The following CAMK2D variants were observed in gnomAD, a reference collection of about 807,000 sequenced individuals.
CAMK2D encodes the protein calcium/calmodulin dependent protein kinase II delta.
In CAMK2D, 37 loss-of-function variants were observed where a neutral mutation model predicts 84.0. The ratio of observed to expected loss-of-function variants is 0.44; its 90% CI spans 0.34 to 0.58. The LOEUF (loss-of-function observed/expected upper bound fraction) is 0.58, where lower values mean the gene tolerates loss of function less well. Ranked by LOEUF, CAMK2D falls within the 20% of genes least tolerant of loss-of-function variation. The pLI is 0.02. For missense variants in CAMK2D, 448 were observed against 652.5 expected (o/e 0.69, Z 3.41); for synonymous variants, 202 against 212.5 (o/e 0.95, Z 0.43).
At chr4:113,488,985 T>C (rs1429840775) in intron 16 of CAMK2D, among the ~76,000 whole-genome samples, 5 of 152,060 alleles carry the variant, frequency 3.3e-5, no homozygotes, top group African/African-American at 9.7e-5. Context: ...AAATTGAGTA[T>C]AGAGGTAAAA....
chr4:113,504,727 T>A (rs1486686992), intron 14 of CAMK2D, among the ~76,000 whole-genome samples: 2 of 151,608 alleles, frequency 1.3e-5, no homozygotes, highest in South Asian at 4.1e-4. Flanking sequence ...ATCAGTACAA[T>A]GTTCAACAAC....
intron 3 of CAMK2D, among the ~76,000 whole-genome samples, chr4:113,627,954 A>C (rs2099074481): frequency 1.3e-5 from 2 of 152,190 alleles, no homozygotes; most frequent in South Asian, 4.1e-4. Flanking sequence ...TACAGAAACC[A>C]CAAATAATGA....
At chr4:113,598,104 AGAAGACT>A (rs1339195613) in intron 4 of CAMK2D, among the ~76,000 whole-genome samples, 2 of 152,254 alleles carry the variant, frequency 1.3e-5, no homozygotes, top group African/African-American at 4.8e-5. Flanking sequence ...GAACAAAGAT[AGAAGACT>A]GACACTACTC....
At chr4:113,575,056 T>G (rs775129613) in intron 4 of CAMK2D, among the ~76,000 whole-genome samples, 10 of 152,188 alleles carry the variant, frequency 6.6e-5, no homozygotes, top group Admixed American at 4.6e-4. Flanking sequence ...GTAATATTTA[T>G]AGCTCCACAA....
At chr4:113,530,478 T>A (rs77552716) in intron 8 of CAMK2D, among the ~76,000 whole-genome samples, 5,121 of 152,312 alleles carry the variant, frequency 0.034, 130 homozygotes, top group Non-Finnish European at 0.056. Context: ...TTAGGGATGT[T>A]CAACTTGTAT....
At chr4:113,624,905 T>C (rs908053485) in intron 3 of CAMK2D, among the ~76,000 whole-genome samples, 1 of 152,248 alleles carries the variant, frequency 6.6e-6, no homozygotes, top group Non-Finnish European at 1.5e-5. Context: ...TTCAACTTTA[T>C]ACAAAATTTA....
At chr4:113,682,583 G>C (rs1022710665) in intron 2 of CAMK2D, among the ~76,000 whole-genome samples, 2 of 151,860 alleles carry the variant, frequency 1.3e-5, no homozygotes, top group Non-Finnish European at 2.9e-5. Context: ...TTATGAGTAG[G>C]CCATTTCTTC....
chr4:113,668,899 C>T (rs1269415498), intron 2 of CAMK2D, among the ~76,000 whole-genome samples: 2 of 152,230 alleles, frequency 1.3e-5, no homozygotes, highest in East Asian at 3.9e-4. Context: ...ATATCTGAAA[C>T]ATCTCTTCTG....
At position 113,683,755 on chromosome 4, in the gene CAMK2D, G is replaced by A. The variant is rs148268832; in HGVS notation, c.161-21983C>T. Among the ~76,000 whole-genome samples, 457 of 152,288 alleles carry A rather than the reference G, an allele frequency of 3.0e-3. 5 individuals are homozygous for A. Among genetic ancestry groups the A allele is most frequent in the African/African-American group, 0.011 (438 of 41,560 alleles). On this transcript the variant is annotated intron_variant, in intron 2 of 20. Transcript: ENST00000511664. ...CTGTGGATAACAACCTCAAATGTGAGCAGGGAAAAACATAAAAAGCTAACA... is the reference window on the plus strand; with the variant it reads ...CTGTGGATAACAACCTCAAATGTGAACAGGGAAAAACATAAAAAGCTAACA...
At chr4:113,670,724 C>T (rs1269823856) in intron 2 of CAMK2D, among the ~76,000 whole-genome samples, 2 of 146,866 alleles carry the variant, frequency 1.4e-5, no homozygotes, top group Non-Finnish European at 3.0e-5. Context: ...AGAATGGAAA[C>T]AAGGCATACT....
chr4:113,710,098 T>G (rs1223968614), intron 2 of CAMK2D, among the ~76,000 whole-genome samples: 2 of 151,994 alleles, frequency 1.3e-5, no homozygotes, highest in Non-Finnish European at 2.9e-5. Context: ...TTCTTACATT[T>G]CAGGATATTT....
chr4:113,617,559 GAAGT>G (rs1180148043), intron 3 of CAMK2D, among the ~76,000 whole-genome samples: 1 of 152,132 alleles, frequency 6.6e-6, no homozygotes, highest in Non-Finnish European at 1.5e-5. Context: ...GATTATGGGA[GAAGT>G]AAGGGAAGAC....
intron 3 of CAMK2D, among the ~76,000 whole-genome samples, chr4:113,640,751 A>G (rs1010893531): frequency 9.2e-5 from 14 of 152,230 alleles, no homozygotes; most frequent in African/African-American, 3.1e-4. Flanking sequence ...ATGACAATAG[A>G]GTGCTTCTCT....
chr4:113,523,400 T>A (rs571524936), intron 8 of CAMK2D, among the ~76,000 whole-genome samples: 52 of 152,196 alleles, frequency 3.4e-4, no homozygotes, highest in South Asian at 2.5e-3. Context: ...TTTTTTTTTT[T>A]AAATTATGCT....
intron 16 of CAMK2D, among the ~76,000 whole-genome samples, chr4:113,487,109 T>C (rs972411231): frequency 5.3e-5 from 8 of 152,226 alleles, no homozygotes; most frequent in Non-Finnish European, 1.2e-4. Flanking sequence ...CACTGAATAA[T>C]GTCTTCTCTG....
At chr4:113,722,931 G>T (rs2099535263) in intron 2 of CAMK2D, among the ~76,000 whole-genome samples, 1 of 152,076 alleles carries the variant, frequency 6.6e-6, no homozygotes, top group Non-Finnish European at 1.5e-5. Context: ...GTCACTAATT[G>T]CACTAATTAA....
At chr4:113,470,987 C>T (rs1430555046) in intron 16 of CAMK2D, among the ~76,000 whole-genome samples, 1 of 152,090 alleles carries the variant, frequency 6.6e-6, no homozygotes, top group Non-Finnish European at 1.5e-5. Flanking sequence ...AACCAGACAG[C>T]CTTTAAGAAA....
intron 2 of CAMK2D, among the ~76,000 whole-genome samples, chr4:113,712,005 G>T (rs2099494500): frequency 6.6e-6 from 1 of 152,084 alleles, no homozygotes; most frequent in Non-Finnish European, 1.5e-5. Context: ...GAAGGCCCTT[G>T]TCTAAACACC....
chr4:113,635,106 T>C (rs930147206), intron 3 of CAMK2D, among the ~76,000 whole-genome samples: 5 of 152,258 alleles, frequency 3.3e-5, no homozygotes, highest in Non-Finnish European at 7.3e-5. Context: ...TTGCTAATGC[T>C]GTATGCGAAA....
Sources: gnomAD v4.1 joint callset for allele counts (sites outside exome capture counted in the v4.1 genomes callset) on GRCh38, gnomAD v4.1.1 for gene constraint, MANE v1.5 for transcripts, NCBI Gene and HGNC (gene_info 2026-07-23, HGNC 2026-07-21) for gene names.